Variants in CDK8 observed in about 807,000 individuals in gnomAD.
CDK8 encodes cyclin dependent kinase 8.
CDK8 carries 29 observed loss-of-function variants against 71.5 expected under a neutral mutation model. That is an observed-to-expected ratio of 0.41 (90% CI 0.30 to 0.55). CDK8 has a LOEUF of 0.55. CDK8 is among the 20% of genes least tolerant of loss of function. The pLI is 0.37. For missense variants in CDK8, 288 were observed against 572.6 expected (o/e 0.50, Z 5.07); for synonymous variants, 161 against 192.1 (o/e 0.84, Z 1.34).
chr13:26,292,341 T>C (rs1757891137), intron 1 of CDK8, among the ~76,000 whole-genome samples: 1 of 152,180 alleles, frequency 6.6e-6, no homozygotes, highest in South Asian at 2.1e-4. Flanking sequence ...AAATGCAGAA[T>C]CTCAGGACCA....
At chr13:26,381,502 A>G (rs537002991) in intron 4 of CDK8, among the ~76,000 whole-genome samples, 181 of 152,322 alleles carry the variant, frequency 1.2e-3, no homozygotes, top group African/African-American at 4.1e-3. Flanking sequence ...TGAATAAAAC[A>G]TCAGTATTAT....
chr13:26,349,995 TCA>T (rs891366604), intron 3 of CDK8, among the ~76,000 whole-genome samples: 80 of 152,352 alleles, frequency 5.3e-4, no homozygotes, highest in African/African-American at 1.8e-3. Flanking sequence ...TACTATTGTG[TCA>T]CAATTGCCTT....
At chr13:26,335,307 G>A (rs1872930819) in intron 1 of CDK8, among the ~76,000 whole-genome samples, 1 of 152,102 alleles carries the variant, frequency 6.6e-6, no homozygotes, top group South Asian at 2.1e-4. Context: ...GCTAAATTCA[G>A]TAGATACTTT....
chr13:26,272,527 A>C (rs1463476559), intron 1 of CDK8, among the ~76,000 whole-genome samples: 2 of 152,172 alleles, frequency 1.3e-5, no homozygotes, highest in Non-Finnish European at 2.9e-5. Flanking sequence ...TGCCTGAGGC[A>C]GTTTTACAGT....
At chr13:26,318,189 A>G (rs145267915) in intron 1 of CDK8, among the ~76,000 whole-genome samples, 130 of 152,276 alleles carry the variant, frequency 8.5e-4, no homozygotes, top group East Asian at 5.2e-3. Flanking sequence ...CAGATAACCT[A>G]GATGAACTGG....
At chr13:26,355,438 AC>A (rs11312471) in intron 4 of CDK8, among the ~76,000 whole-genome samples, 4,762 of 152,026 alleles carry the variant, frequency 0.031, 239 homozygotes, top group African/African-American at 0.11. Flanking sequence ...AGATGGTGAA[AC>A]CCCGTCTCTA....
At chr13:26,398,157 AT>A (rs1876080653) in intron 9 of CDK8, among the ~76,000 whole-genome samples, 1 of 152,070 alleles carries the variant, frequency 6.6e-6, no homozygotes, top group South Asian at 2.1e-4. Flanking sequence ...CATGTATTTC[AT>A]ATCTTAACAG....
intron 9 of CDK8, among the ~76,000 whole-genome samples, chr13:26,399,004 ATCTT>A (rs1876126475): frequency 6.6e-6 from 1 of 150,980 alleles, no homozygotes; most frequent in African/African-American, 2.4e-5. Flanking sequence ...AAAATTTGTC[ATCTT>A]TCTTTAAGTC....
intron 1 of CDK8, among the ~76,000 whole-genome samples, chr13:26,322,561 T>C (rs774650393): frequency 3.9e-5 from 6 of 152,158 alleles, no homozygotes; most frequent in Non-Finnish European, 8.8e-5. Flanking sequence ...AGGTTTCTTC[T>C]TGCCAGTTTT....
intron 1 of CDK8, among the ~76,000 whole-genome samples, chr13:26,279,419 G>C (rs1872663649): frequency 6.6e-6 from 1 of 151,934 alleles, no homozygotes; most frequent in Non-Finnish European, 1.5e-5. Context: ...CATCATGAAC[G>C]GTGGGACAGC....
intron 6 of CDK8, among the ~76,000 whole-genome samples, chr13:26,388,613 A>G (rs1431938374): frequency 6.6e-6 from 1 of 152,200 alleles, no homozygotes. Flanking sequence ...ATATACTATC[A>G]CAGAAACTTG....
chr13:26,290,879 G>A (rs1378132798), intron 1 of CDK8, among the ~76,000 whole-genome samples: 3 of 152,078 alleles, frequency 2.0e-5, no homozygotes, highest in African/African-American at 7.2e-5. Context: ...CACTTTGGGA[G>A]GCCGAGGCAG....
chr13:26,371,907 C>T (rs143488078), intron 4 of CDK8, among the ~76,000 whole-genome samples: 188 of 152,130 alleles, frequency 1.2e-3, no homozygotes, highest in African/African-American at 4.1e-3. Flanking sequence ...CATGAGCTAC[C>T]GTGCCTGGCC....
At chr13:26,358,909 C>T in intron 4 of CDK8, 1 of 184,674 alleles carries the variant, frequency 5.4e-6, no homozygotes, top group Non-Finnish European at 1.2e-5. Context: ...CACCTGTGGT[C>T]CCAGCTACTT....
At chr13:26,348,670 A>G (rs574950691) in intron 2 of CDK8, among the ~76,000 whole-genome samples, 82 of 152,180 alleles carry the variant, frequency 5.4e-4, no homozygotes, top group African/African-American at 1.9e-3. Flanking sequence ...TAATGGATTC[A>G]GAGTTTCTGT....
intron 1 of CDK8, among the ~76,000 whole-genome samples, chr13:26,277,401 A>T (rs1348301812): frequency 6.6e-6 from 1 of 152,200 alleles, no homozygotes; most frequent in African/African-American, 2.4e-5. Context: ...TGGCTCAGTA[A>T]ACTGTACTTA....
chr13:26,369,294 G>T, intron 4 of CDK8, among the ~76,000 whole-genome samples: 1 of 150,136 alleles, frequency 6.7e-6, no homozygotes, highest in South Asian at 2.1e-4. Flanking sequence ...AAAAAAAAAT[G>T]CAGAAATTCG....
chr13:26,262,512 G>A (rs1048601992), intron 1 of CDK8, among the ~76,000 whole-genome samples: 41 of 152,316 alleles, frequency 2.7e-4, no homozygotes, highest in Non-Finnish European at 5.6e-4. Flanking sequence ...AATACCAGGA[G>A]AAGCAAAATT....
At chr13:26,366,548 A>G (rs1270975652) in intron 4 of CDK8, among the ~76,000 whole-genome samples, 1 of 152,140 alleles carries the variant, frequency 6.6e-6, no homozygotes, top group Non-Finnish European at 1.5e-5. Context: ...ACTTTGTTAT[A>G]TGACCTATAT....
Sources: allele counts gnomAD v4.1 joint callset (sites outside exome capture counted in the v4.1 genomes callset), GRCh38; gene constraint gnomAD v4.1.1; transcripts MANE v1.5; gene names NCBI Gene and HGNC (gene_info 2026-07-23, HGNC 2026-07-21).